The following JCAD variants were observed in gnomAD, a reference collection of about 807,000 sequenced individuals.
The protein encoded by JCAD is junctional cadherin 5-associated protein.
A neutral mutation model predicts 98.0 loss-of-function variants in JCAD; 40 were observed. The observed-to-expected ratio is 0.41, with a 90% CI of 0.32 to 0.53. The LOEUF is 0.53. Among genes scored for constraint, JCAD ranks in the 20% least tolerant of loss-of-function variants. The pLI, the probability that JCAD is intolerant of heterozygous loss-of-function variation, is 0.31. For synonymous variants in JCAD, 691 were observed against 682.3 expected, an observed-to-expected ratio of 1.01 and a Z score of -0.20; for missense variants, 1,705 against 1,738.1, an observed-to-expected ratio of 0.98 and a Z score of 0.34.
intron 1 of JCAD, among the ~76,000 whole-genome samples, chr10:30,091,751 C>T (rs1380599559): frequency 9.1e-6 from 1 of 110,194 alleles, no homozygotes; most frequent in Non-Finnish European, 1.7e-5. Context: ...AGGCCAGGTG[C>T]GGTGGCTCAC....
chr10:30,013,914 G>A lies in JCAD; in HGVS notation c.*3969C>T, dbSNP rs1275122649. The A allele has an allele frequency of 6.6e-6, 1 of 152,218 alleles. No homozygotes were observed. Among genetic ancestry groups the A allele is most frequent in the Non-Finnish European group, 1.5e-5 (1 of 68,042 alleles). 9.4% of individuals were successfully genotyped at this position (152,218 alleles called of 1,614,324 possible). A position where few individuals can be genotyped will look rare whatever the true frequency, so the allele number is the denominator to read the frequency against. ...CCTTCCCACACTGCTGATGAACCAA[G>A]GACTGTTTCGACAGGCAGGTTGCTA... On this transcript the variant is annotated 3_prime_UTR_variant, in exon 4 of 4. Coordinates refer to ENST00000375377, the MANE Select transcript of JCAD (RefSeq NM_020848.4).
chr10:30,104,164 T>TGGAGC (rs1265347637), intron 1 of JCAD, among the ~76,000 whole-genome samples: 1 of 152,194 alleles, frequency 6.6e-6, no homozygotes, highest in Non-Finnish European at 1.5e-5. Context: ...TCAGAGGTCG[T>TGGAGC]GGAGCGTAAG....
At chr10:30,086,208 A>T (rs1399685321) in intron 1 of JCAD, among the ~76,000 whole-genome samples, 1 of 152,114 alleles carries the variant, frequency 6.6e-6, no homozygotes, top group African/African-American at 2.4e-5. Flanking sequence ...TAACTATCTT[A>T]AAAAAAATCT....
chr10:30,111,877 C>A (rs142303781), intron 1 of JCAD, among the ~76,000 whole-genome samples: 13 of 152,276 alleles, frequency 8.5e-5, no homozygotes, highest in Non-Finnish European at 1.6e-4. Flanking sequence ...TGAAATAGTG[C>A]AGCTGCTGTG....
chr10:30,102,479 T>C (rs1809877205), intron 1 of JCAD, among the ~76,000 whole-genome samples: 1 of 152,180 alleles, frequency 6.6e-6, no homozygotes, highest in African/African-American at 2.4e-5. Flanking sequence ...TCTACCCTCT[T>C]ACATTTTTAA....
At chr10:30,049,501 T>A (rs1363967567) in intron 1 of JCAD, among the ~76,000 whole-genome samples, 1 of 152,152 alleles carries the variant, frequency 6.6e-6, no homozygotes, top group African/African-American at 2.4e-5. Flanking sequence ...ATGGAGAGTA[T>A]CAAACTTTGG....
In JCAD at chr10:30,017,914, G is replaced by A; in HGVS notation, c.4049C>T (p.Ser1350Phe). 1.2e-6 allele frequency: 2 copies of A among 1,610,694 alleles called. No individual in the cohort carries two copies. Among genetic ancestry groups the A allele is most frequent in the South Asian group, 2.2e-5 (2 of 90,338 alleles). ...CCTCTCCACTCTGCTAGGGTCATAG[G>A]AATCTGTAAAATAAGAAAAGAAAAG... ...SMDQDFWCPD[S>F]YDPSRVERV Residue 1350 changes from serine (S) to phenylalanine (F), a missense_variant, in exon 4 of 4, where the codon TCC (serine) becomes TTC (phenylalanine). Coordinates refer to ENST00000375377, the MANE Select transcript of JCAD (RefSeq NM_020848.4).
At chr10:30,089,801 T>C (rs1838232186) in intron 1 of JCAD, among the ~76,000 whole-genome samples, 1 of 152,148 alleles carries the variant, frequency 6.6e-6, no homozygotes, top group African/African-American at 2.4e-5. Context: ...CTTTTCTGTA[T>C]TTTAAGGTTT....
At chr10:30,080,141 A>G (rs1397223195) in intron 1 of JCAD, among the ~76,000 whole-genome samples, 1 of 150,936 alleles carries the variant, frequency 6.6e-6, no homozygotes, top group East Asian at 1.9e-4. Flanking sequence ...GTGAGTGAGG[A>G]AAAAAAAAAT....
chr10:30,108,675 A>G (rs1235640853), intron 1 of JCAD, among the ~76,000 whole-genome samples: 1 of 152,176 alleles, frequency 6.6e-6, no homozygotes, highest in Non-Finnish European at 1.5e-5. Context: ...TCCCCTCACT[A>G]GAGTTTTCAC....
Position 30,059,023 on chromosome 10 carries a change from T to C in JCAD, c.-60+459A>G, listed in dbSNP as rs1306713465. ...GACCCAGCGCGGCGGCTGTCAGCTCTGGGGTGAGGTCCGCGAGATCTGGGC... is the reference window on the plus strand; with the variant it reads ...GACCCAGCGCGGCGGCTGTCAGCTCCGGGGTGAGGTCCGCGAGATCTGGGC... On this transcript the variant is annotated intron_variant, in intron 1 of 3. Transcript: ENST00000375377. The surrounding 1 kb of genome is among the most constrained non-coding windows in gnomAD (Gnocchi z 5.0). Among the ~76,000 whole-genome samples, 1 of 151,872 alleles carries C rather than the reference T, an allele frequency of 6.6e-6. No individual in the cohort carries two copies. Among genetic ancestry groups the C allele is most frequent in the Non-Finnish European group, 1.5e-5 (1 of 67,936 alleles).
At chr10:30,043,957 T>C (rs1262485003) in intron 2 of JCAD, among the ~76,000 whole-genome samples, 1 of 152,222 alleles carries the variant, frequency 6.6e-6, no homozygotes, top group Admixed American at 6.5e-5. Context: ...GAAATTTAAT[T>C]GCCATTGTAA....
chr10:30,113,847 G>T (rs956825979), intron 1 of JCAD, among the ~76,000 whole-genome samples: 2 of 152,044 alleles, frequency 1.3e-5, no homozygotes, highest in African/African-American at 4.8e-5. Flanking sequence ...CCCTGCCCAG[G>T]GACCACTTCT....
Position 30,059,257 on chromosome 10 carries a change from C to T in JCAD, c.-60+225G>A, listed in dbSNP as rs1837651650. Among the ~76,000 whole-genome samples, 1 of 151,448 alleles carries T rather than the reference C, an allele frequency of 6.6e-6. No individual in the cohort carries two copies. Among genetic ancestry groups the T allele is most frequent in the Non-Finnish European group, 1.5e-5 (1 of 67,732 alleles). The stretch of plus-strand genomic sequence containing the variant: ...GACGCCCCTCCCGGGCTGGCAGGCG[C>T]CCTCCACCCCGAGGCTGCCGGGCTA... On this transcript the variant is annotated intron_variant, in intron 1 of 3. Coordinates refer to ENST00000375377, the MANE Select transcript of JCAD (RefSeq NM_020848.4). This position sits in a 1 kb window ranked among gnomAD's most constrained non-coding sequence, Gnocchi z 5.0.
At chr10:30,056,122 T>TTTGG (rs1837566292) in intron 1 of JCAD, among the ~76,000 whole-genome samples, 1 of 152,322 alleles carries the variant, frequency 6.6e-6, no homozygotes, top group African/African-American at 2.4e-5. Flanking sequence ...TTTTGGAATT[T>TTTGG]TTGGCTATTT....
rs1837042673 is a variant in JCAD at position 30,033,401 on chromosome 10, T to C, written c.282-3535A>G. Among the ~76,000 whole-genome samples, 4 of 152,266 alleles carry C rather than the reference T, an allele frequency of 2.6e-5. No individual in the cohort carries two copies. In the South Asian group the frequency reaches 8.3e-4, roughly 32 times the overall value. ...TCTCAGATCATTTAGAGTAAGTCCT[T>C]AGAAAAGAAGTGAGTAGATCATGGG... On this transcript the variant is annotated intron_variant, in intron 2 of 3. Transcript: ENST00000375377.
intron 2 of JCAD, among the ~76,000 whole-genome samples, chr10:30,037,456 C>T (rs1279772479): frequency 6.6e-6 from 1 of 152,148 alleles, no homozygotes; most frequent in Non-Finnish European, 1.5e-5. Context: ...TCAATTTGAA[C>T]AAGAATTGTA....
chr10:30,042,907 A>G (rs1475547252), intron 2 of JCAD, among the ~76,000 whole-genome samples: 2 of 152,216 alleles, frequency 1.3e-5, no homozygotes, highest in African/African-American at 4.8e-5. Flanking sequence ...GGGGTCCCAC[A>G]GTCAGGCTTC....
rs371568402 is a variant in JCAD, at chr10:30,027,735, C to T, written c.2413G>A (p.Glu805Lys). Reference protein sequence around the residue: ...PGPKREVVKGEPTGPCNSKQL... With the variant: ...PGPKREVVKGKPTGPCNSKQL... The stretch of plus-strand genomic sequence containing the variant: ...TTACTGTTGCAAGGGCCCGTGGGCT[C>T]CCCCTTCACCACCTCCCGCTTAGGC... The change falls in exon 3 of 4, where the codon GAG becomes AAG. Residue 805 changes from glutamate (E) to lysine (K), a missense_variant. Physicochemically the swap from Glu to Lys is moderately conservative, Grantham distance 56. This residue lies in a region of JCAD where 1,278 missense variants were observed against 1,243.1 expected (regional missense o/e 1.03). Transcript: ENST00000375377. 2 of 1,614,252 alleles carry T rather than the reference C, an allele frequency of 1.2e-6. No individual in the cohort carries two copies. Among genetic ancestry groups the T allele is most frequent in the Non-Finnish European group, 1.7e-6 (2 of 1,180,048 alleles).
Sources: gnomAD v4.1 joint callset for allele counts (sites outside exome capture counted in the v4.1 genomes callset) on GRCh38, gnomAD v4.1.1 for gene constraint, gnomAD v4.1.1 regional missense constraint, Gnocchi (gnomAD v3.1) non-coding constraint, MANE v1.5 for transcripts, NCBI Gene and HGNC (gene_info 2026-07-23, HGNC 2026-07-21) for gene names.